Variants in COIL observed in about 807,000 individuals in gnomAD.
COIL encodes the protein coilin.
A neutral mutation model predicts 51.6 loss-of-function variants in COIL; 28 were observed. The ratio of observed to expected loss-of-function variants is 0.54; its 90% confidence interval spans 0.40 to 0.74. COIL has a LOEUF of 0.74. COIL is among the 30% of genes least tolerant of loss of function. COIL has a pLI of 0.00. For synonymous variants in COIL, 233 were observed against 255.8 expected (o/e 0.91, Z 0.85); for missense variants, 667 against 685.9 (o/e 0.97, Z 0.31).
At chr17:56,951,081 C>T (rs1910361788) in intron 1 of COIL, 85 bp from the exon 2 acceptor site, 1 of 1,235,338 alleles carries the variant, frequency 8.1e-7, no homozygotes. Context: ...GATGACTCTA[C>T]AAAATGTAAC....
rs554455001 is a variant in COIL, at chr17:56,949,743, C to A, written c.1378G>T (p.Asp460Tyr). Residue 460 changes from aspartate to tyrosine, a missense_variant, in exon 3 of 7, where the codon GAC (aspartate) becomes TAC (tyrosine). Transcript: ENST00000240316. The part of the protein sequence containing the change: ...IQNPVETPKK[D>Y]YSLLPLLAAA... ...GCTAACAGTGGTAACAGACTATAGTCCTTCTTGGGTGTCTCTACTGGATTC... is the reference window on the plus strand; with the variant it reads ...GCTAACAGTGGTAACAGACTATAGTACTTCTTGGGTGTCTCTACTGGATTC... 1 of 1,614,126 alleles carries A rather than the reference C, an allele frequency of 6.2e-7. No homozygotes were observed. The highest frequency in any genetic ancestry group is 8.5e-7 in the Non-Finnish European group (1 of 1,179,984).
intron 3 of COIL, 60 bp downstream of exon 3, chr17:56,949,620 AG>A: frequency 3.3e-6 from 5 of 1,497,746 alleles, no homozygotes; most frequent in Non-Finnish European, 3.7e-6. Context: ...TGATTTTCTA[AG>A]TAAGTTTATT....
intron 4 of COIL, among the ~76,000 whole-genome samples, chr17:56,947,549 C>T (rs1047600211): frequency 1.3e-5 from 2 of 152,152 alleles, no homozygotes; most frequent in Admixed American, 6.5e-5. Flanking sequence ...CAGCTCACTG[C>T]AACCCCCACC....
chr17:56,946,731 G>A (rs79362522), intron 4 of COIL, among the ~76,000 whole-genome samples: 1,663 of 152,234 alleles, frequency 0.011, 19 homozygotes, highest in African/African-American at 0.037. Flanking sequence ...TATCTTTAGA[G>A]GCAAAATAAA....
Position 56,939,614 on chromosome 17 carries a change from C to G in COIL, c.1648-460G>C, listed in dbSNP as rs551186664. Among the ~76,000 whole-genome samples, 4 of 152,190 alleles carry G rather than the reference C, an allele frequency of 2.6e-5. No homozygotes were observed. In the South Asian group the frequency reaches 6.2e-4, roughly 24 times the overall value. The stretch of plus-strand genomic sequence containing the variant: ...AATTAGCCGGGCATGGTGACGCATG[C>G]CTGTAGTCCCAGCTACTCGGAAGGC... On this transcript the variant is annotated intron_variant, in intron 6 of 6. Transcript: ENST00000240316.
chr17:56,949,912 T>C lies in COIL; in HGVS notation c.1330A>G (p.Lys444Glu). The change falls in exon 2 of 7, where the codon AAA becomes GAA. Residue 444 changes from lysine to glutamate, a missense_variant. Coordinates refer to ENST00000240316, the MANE Select transcript of COIL (RefSeq NM_004645.3). ...ACCTGGATAATAGTAGATGAATTTT[T>C]TACCACGTCATTTAATTGCTGTTGC... ...QRQQQLNDVV[K>E]NSSTIIQNPV... 1 of 1,613,808 alleles carries C rather than the reference T, an allele frequency of 6.2e-7. No individual in the cohort carries two copies. The highest frequency in any genetic ancestry group is 8.5e-7 in the Non-Finnish European group (1 of 1,179,920).
chr17:56,953,350 G>T lies in COIL; in HGVS notation c.246-2354C>A, dbSNP rs189384854. The stretch of plus-strand genomic sequence containing the variant: ...GGCGTGAACCTGGGAGGTGGAGCTT[G>T]CAGTGAGCCGAGGTCACACCACTGT... On this transcript the variant is annotated intron_variant, in intron 1 of 6. Transcript: ENST00000240316. Among the ~76,000 whole-genome samples, 442 of 145,450 alleles carry T rather than the reference G, an allele frequency of 3.0e-3. 1 individual carries two copies. Among genetic ancestry groups the T allele is most frequent in the African/African-American group, 0.011 (426 of 38,982 alleles).
Position 56,949,416 on chromosome 17 carries a change from T to C in COIL, c.1459A>G (p.Ser487Gly), listed in dbSNP as rs141379862. Reference sequence around the variant, plus strand: ...TAGTCAGAGACATCAGGAGAGTAACTGGATGTTAGCTCCAAAAGCTAAAAA... The same window carrying C: ...TAGTCAGAGACATCAGGAGAGTAACCGGATGTTAGCTCCAAAAGCTAAAAA... ...IAFKLLELTS[S>G]YSPDVSDYKE... The change falls in exon 4 of 7, where the codon AGT becomes GGT. Residue 487 changes from serine (S) to glycine (G), a missense_variant. Ser to Gly is a moderately conservative substitution (Grantham distance 56). Transcript: ENST00000240316. 2.6e-5 allele frequency: 42 copies of C among 1,602,250 alleles called. No homozygotes were observed. Among genetic ancestry groups the C allele is most frequent in the Non-Finnish European group, 3.5e-5 (41 of 1,177,628 alleles).
At position 56,938,560 on chromosome 17, in the gene COIL, C is replaced by A. The variant is rs1051973068; in HGVS notation, c.*511G>T. On this transcript the variant is annotated 3_prime_UTR_variant, in exon 7 of 7. Transcript: ENST00000240316. ...AAAGGATTCCTTAACTCATTGTCTG[C>A]GACAAATCCAACTACCTGTTAACTC... The A allele has an allele frequency of 1.3e-5, 2 of 152,292 alleles. No homozygotes were observed. Among genetic ancestry groups the A allele is most frequent in the Non-Finnish European group, 2.9e-5 (2 of 68,162 alleles). 9.4% of individuals were successfully genotyped at this position (152,292 alleles called of 1,614,324 possible).
chr17:56,959,813 T>A (rs1910550165), intron 1 of COIL, among the ~76,000 whole-genome samples: 1 of 152,250 alleles, frequency 6.6e-6, no homozygotes. Flanking sequence ...TAAGCGCGGA[T>A]GTGCTAAATC....
At chr17:56,956,220 T>C (rs909057791) in intron 1 of COIL, among the ~76,000 whole-genome samples, 12 of 152,170 alleles carry the variant, frequency 7.9e-5, no homozygotes, top group African/African-American at 2.9e-4. Context: ...TACAGCAATA[T>C]GAAATGAGAA....
At position 56,960,788 on chromosome 17, in the gene COIL, T is replaced by C. The variant is rs1224396401; in HGVS notation, c.232A>G (p.Asn78Asp). The change falls in exon 1 of 7, where the codon AAC becomes GAC. Residue 78 changes from asparagine (N) to aspartate (D), a missense_variant. Transcript: ENST00000240316. ...PAESARLVRD[N>D]DCLRVKLEER... ...TGCGCCGCGCACCTGAGGCAGTCGT[T>C]GTCTCTCACAAGGCGCGCGCTCTCG... 8 of 1,581,902 alleles carry C rather than the reference T, an allele frequency of 5.1e-6. No homozygotes were observed. Among genetic ancestry groups the C allele is most frequent in the Admixed American group, 1.8e-5 (1 of 54,710 alleles).
rs138812757 is a variant in COIL at position 56,950,836 on chromosome 17, G to A, written c.406C>T (p.Arg136Ter). The A allele has an allele frequency of 3.1e-6, 5 of 1,613,608 alleles. No individual in the cohort carries two copies. In the African/African-American group the frequency reaches 4.0e-5, roughly 13 times the overall value. ...CKYSKKHWKS[R>*]ENNNNNEKVL... is the part of the protein sequence containing the mutation. Reference sequence around the variant, plus strand: ...TTCTCATTATTGTTATTGTTCTCTCGACTCTTCCAATGCTTCTTTGAATAT... The same window carrying A: ...TTCTCATTATTGTTATTGTTCTCTCAACTCTTCCAATGCTTCTTTGAATAT... The change falls in exon 2 of 7, where the codon CGA (arginine) becomes TGA (stop). Residue 136 changes from arginine to a stop codon, truncating the protein, a stop_gained. Coordinates refer to ENST00000240316, the MANE Select transcript of COIL (RefSeq NM_004645.3). LOFTEE classifies it high-confidence loss of function.
intron 4 of COIL, 113 bp downstream of exon 4, chr17:56,949,274 T>C: frequency 1.3e-6 from 1 of 759,352 alleles, no homozygotes; most frequent in Non-Finnish European, 2.1e-6. Context: ...TTCTACTTTC[T>C]GGCATTTTTA....
In COIL at chr17:56,938,441, A is replaced by G. The variant is rs1379462460; in HGVS notation, c.*630T>C. Reference sequence around the variant, plus strand: ...ATCCTCTCACTGAAGTGAAACACCAATTCTCCAGGCATACACACACATACG... The same window carrying G: ...ATCCTCTCACTGAAGTGAAACACCAGTTCTCCAGGCATACACACACATACG... On this transcript the variant is annotated 3_prime_UTR_variant, in exon 7 of 7. Transcript: ENST00000240316. The G allele has an allele frequency of 2.0e-5, 3 of 152,232 alleles. No homozygotes were observed. Among genetic ancestry groups the G allele is most frequent in the African/African-American group, 4.8e-5 (2 of 41,452 alleles). The allele number at this position is 152,232 out of a possible 1,614,324, so 9.4% of individuals were successfully genotyped here. A position where few individuals can be genotyped will look rare whatever the true frequency, so the allele number is the denominator to read the frequency against.
At chr17:56,943,926 C>T (rs552597342) in intron 5 of COIL, among the ~76,000 whole-genome samples, 28 of 152,186 alleles carry the variant, frequency 1.8e-4, no homozygotes, top group Non-Finnish European at 3.2e-4. Flanking sequence ...AGTGCAGTGA[C>T]GCAATCATGA....
intron 3 of COIL, 26 bp downstream of exon 3, chr17:56,949,655 G>T (rs1451604113): frequency 6.3e-7 from 1 of 1,586,968 alleles, no homozygotes; most frequent in Non-Finnish European, 8.6e-7. Context: ...AACCTTTTTT[G>T]CTGTGACTGT....
intron 1 of COIL, among the ~76,000 whole-genome samples, chr17:56,955,629 A>G (rs1598098909): frequency 6.6e-6 from 1 of 152,286 alleles, no homozygotes; most frequent in East Asian, 1.9e-4. Context: ...GGATAATGAC[A>G]ATAATTACAG....
At chr17:56,952,364 G>GA (rs1910389733) in intron 1 of COIL, 13 of 440,838 alleles carry the variant, frequency 2.9e-5, no homozygotes, top group South Asian at 2.3e-4. Context: ...GAAGCAAGAC[G>GA]AAAACACATA....
Sources: allele counts gnomAD v4.1 joint callset (sites outside exome capture counted in the v4.1 genomes callset), GRCh38; gene constraint gnomAD v4.1.1; transcripts MANE v1.5; gene names NCBI Gene and HGNC (gene_info 2026-07-23, HGNC 2026-07-21).